Variants in CUX1 observed in about 807,000 individuals in gnomAD.
CUX1 encodes the protein cut like homeobox 1.
Under a neutral mutation model 158.8 loss-of-function variants are expected in CUX1, and 31 were observed. That is an observed-to-expected ratio of 0.20 (90% CI 0.15 to 0.26). CUX1 has a LOEUF of 0.26. Among genes scored for constraint, CUX1 ranks in the 10% least tolerant of loss-of-function variants. CUX1 has a pLI of 1.00. For missense variants in CUX1, 1,589 were observed against 2,014.6 expected (o/e 0.79, Z 4.04); for synonymous variants, 879 against 862.1 (o/e 1.02, Z -0.34).
intron 1 of CUX1, among the ~76,000 whole-genome samples, chr7:101,900,797 T>C (rs969212881): frequency 6.6e-6 from 1 of 152,148 alleles, no homozygotes; most frequent in Non-Finnish European, 1.5e-5. Flanking sequence ...AATGAAGTTA[T>C]TAGCACTTCA....
chr7:101,889,915 G>T (rs1408682027), intron 1 of CUX1, among the ~76,000 whole-genome samples: 2 of 152,198 alleles, frequency 1.3e-5, no homozygotes, highest in African/African-American at 4.8e-5. Context: ...CGATCCCAGT[G>T]ACTTGAGATG....
chr7:101,894,015 T>C (rs947665395), intron 1 of CUX1, among the ~76,000 whole-genome samples: 1 of 152,192 alleles, frequency 6.6e-6, no homozygotes, highest in Admixed American at 6.5e-5. Context: ...TTAGAAATGC[T>C]TTGGAGATGT....
intron 14 of CUX1, among the ~76,000 whole-genome samples, chr7:102,264,092 G>A (rs1170471068): frequency 2.9e-5 from 4 of 140,120 alleles, no homozygotes; most frequent in African/African-American, 5.4e-5. Context: ...TGCAACCTCC[G>A]CCTCCCAGGT....
intron 6 of CUX1, among the ~76,000 whole-genome samples, chr7:102,105,901 A>G (rs187137401): frequency 2.9e-4 from 43 of 149,788 alleles, no homozygotes; most frequent in South Asian, 1.5e-3. Context: ...CAAAAAAGGG[A>G]AAAAAAAGAT....
intron 2 of CUX1, chr7:101,959,735 T>A (rs1162188192): frequency 6.6e-6 from 1 of 152,214 alleles, no homozygotes; most frequent in Non-Finnish European, 1.5e-5. Context: ...TCCTGTTTGT[T>A]CCTGCTCGAT....
intron 1 of CUX1, among the ~76,000 whole-genome samples, chr7:101,828,068 C>G (rs1487079039): frequency 6.6e-6 from 1 of 150,962 alleles, no homozygotes; most frequent in African/African-American, 2.4e-5. Flanking sequence ...CTTCGCCTCC[C>G]AGGTTCAAGT....
intron 21 of CUX1, among the ~76,000 whole-genome samples, chr7:102,282,494 C>G (rs189646321): frequency 1.3e-5 from 2 of 152,296 alleles, no homozygotes; most frequent in Middle Eastern, 3.4e-3. Flanking sequence ...CTGGCCCTTC[C>G]AAGGGTTGGC....
Position 102,154,601 on chromosome 7 carries a change from C to CAAATAAATAAATAAAT in CUX1, c.675-3941_675-3926dup, listed in dbSNP as rs56874742. ...ACACCACTGTACTCCAGCTTGTCTC[C>CAAATAAATAAATAAAT]AAATAAATAAATAAATAAATAAATA... On this transcript the variant is annotated intron_variant, in intron 8 of 23. Transcript: ENST00000292535. 354 of 148,816 alleles carry CAAATAAATAAATAAAT rather than the reference C, an allele frequency of 2.4e-3. 3 individuals carry two copies. The highest frequency in any genetic ancestry group is 8.4e-3 in the African/African-American group (336 of 39,986). 9.2% of individuals were successfully genotyped at this position (148,816 alleles called of 1,614,324 possible).
At chr7:102,097,536 C>T in intron 5 of CUX1, 35 bp downstream of exon 5, 3 of 1,501,556 alleles carry the variant, frequency 2.0e-6, no homozygotes, top group African/African-American at 2.2e-5. Context: ...TTTTTCTTTT[C>T]TTCTTTTTTT....
chr7:102,180,896 T>TTTTTATTTTATTTTA (rs781956443), intron 11 of CUX1, among the ~76,000 whole-genome samples: 8 of 142,622 alleles, frequency 5.6e-5, no homozygotes, highest in African/African-American at 2.2e-4. Context: ...TTTTTTTAAA[T>TTTTTATTTTATTTTA]TTTTATTTTA....
intron 8 of CUX1, among the ~76,000 whole-genome samples, chr7:102,133,666 A>G (rs201529): frequency 0.63 from 95,496 of 151,466 alleles, 31,634 homozygotes; most frequent in African/African-American, 0.8. Flanking sequence ...TAGTAGAGAC[A>G]GGGTTTCACC....
intron 2 of CUX1, among the ~76,000 whole-genome samples, chr7:102,005,956 G>A (rs1047836033): frequency 6.6e-6 from 1 of 152,282 alleles, no homozygotes; most frequent in Admixed American, 6.5e-5. Context: ...AGGAGCGAGC[G>A]GCCGCGTGGA....
At chr7:101,903,414 T>C (rs1263168400) in intron 1 of CUX1, among the ~76,000 whole-genome samples, 2 of 152,118 alleles carry the variant, frequency 1.3e-5, no homozygotes, top group Admixed American at 6.5e-5. Flanking sequence ...GAGCCGAAGA[T>C]TGTAGTGGGG....
At chr7:101,966,741 G>A (rs142572452) in intron 2 of CUX1, among the ~76,000 whole-genome samples, 78 of 152,208 alleles carry the variant, frequency 5.1e-4, no homozygotes, top group Middle Eastern at 6.8e-3. Flanking sequence ...GCTTCTTGAG[G>A]GTCGTTACCC....
chr7:101,977,048 G>A (rs1812793537), intron 2 of CUX1, among the ~76,000 whole-genome samples: 1 of 151,658 alleles, frequency 6.6e-6, no homozygotes, highest in Non-Finnish European at 1.5e-5. Flanking sequence ...AAGTAGCTGG[G>A]ATTACAGGTG....
chr7:102,104,591 G>A (rs1413980835), intron 6 of CUX1, 132 bp downstream of exon 6: 3 of 1,249,404 alleles, frequency 2.4e-6, no homozygotes, highest in Non-Finnish European at 3.3e-6. Context: ...GGGGTAAAAT[G>A]TTTCAAAAAT....
At chr7:101,860,040 C>G (rs923218953) in intron 1 of CUX1, among the ~76,000 whole-genome samples, 1 of 141,380 alleles carries the variant, frequency 7.1e-6, no homozygotes, top group African/African-American at 2.6e-5. Context: ...CTCTCTGTCT[C>G]TGCCTGCTTT....
At chr7:102,105,611 C>T (rs949300200) in intron 6 of CUX1, among the ~76,000 whole-genome samples, 1 of 144,044 alleles carries the variant, frequency 6.9e-6, no homozygotes, top group Non-Finnish European at 1.5e-5. Flanking sequence ...CTCCTGGGTT[C>T]AAGTGATTCT....
chr7:102,062,720 C>T (rs1290906292), intron 3 of CUX1, among the ~76,000 whole-genome samples: 3 of 152,140 alleles, frequency 2.0e-5, no homozygotes, highest in East Asian at 3.9e-4. Flanking sequence ...AGGTTGATCT[C>T]GAACTCCTGC....
Sources: gnomAD v4.1 joint callset for allele counts (sites outside exome capture counted in the v4.1 genomes callset) on GRCh38, gnomAD v4.1.1 for gene constraint, MANE v1.5 for transcripts, NCBI Gene and HGNC (gene_info 2026-07-23, HGNC 2026-07-21) for gene names.